The following CTIF variants were observed in gnomAD, a reference collection of about 807,000 sequenced individuals.
The protein encoded by CTIF is CBP80/20-dependent translation initiation factor.
In CTIF, 21 loss-of-function variants were observed where a neutral mutation model predicts 66.0. The ratio of observed to expected loss-of-function variants is 0.32; its 90% CI spans 0.23 to 0.46. The LOEUF (loss-of-function observed/expected upper bound fraction) is 0.46. Ranked by LOEUF, CTIF falls within the 20% of genes least tolerant of loss-of-function variation. The pLI is 1.00. For missense variants in CTIF, 739 were observed against 812.7 expected, an observed-to-expected ratio of 0.91 and a Z score of 1.10; for synonymous variants, 345 against 326.4, an observed-to-expected ratio of 1.06 and a Z score of -0.62.
In CTIF at chr18:48,758,190, G is replaced by A; in HGVS notation, c.856G>A (p.Ala286Thr). 6.8e-6 allele frequency: 11 copies of A among 1,613,840 alleles called. No homozygotes were observed. The highest frequency in any genetic ancestry group is 1.1e-5 in the South Asian group (1 of 91,040). Reference protein sequence around the residue: ...TIENPKLEDTAGDTGHSSLEA... With the variant: ...TIENPKLEDTTGDTGHSSLEA... ...CGAGAACCCAAAACTGGAGGACACTGCAGGGGACACCGGGCACAGCAGCCT... is the reference window on the plus strand; with the variant it reads ...CGAGAACCCAAAACTGGAGGACACTACAGGGGACACCGGGCACAGCAGCCT... The change falls in exon 8 of 12, where the codon GCA (alanine) becomes ACA (threonine). Residue 286 changes from alanine to threonine, a missense_variant. Physicochemically the swap from Ala to Thr is moderately conservative, Grantham distance 58. This residue lies in a region of CTIF where 529 missense variants were observed against 520.3 expected (regional missense o/e 1.02). Coordinates refer to ENST00000256413, the MANE Select transcript of CTIF (RefSeq NM_014772.3).
chr18:48,655,172 G>A (rs973837677), intron 3 of CTIF, among the ~76,000 whole-genome samples: 1 of 151,680 alleles, frequency 6.6e-6, no homozygotes, highest in African/African-American at 2.4e-5. Context: ...GGGTATGGTG[G>A]CTTGCACCTG....
At chr18:48,680,968 C>T (rs978249132) in intron 6 of CTIF, among the ~76,000 whole-genome samples, 4 of 152,188 alleles carry the variant, frequency 2.6e-5, no homozygotes, top group African/African-American at 9.7e-5. Context: ...GGGGCGGGGA[C>T]GGACAGGGCT....
chr18:48,619,937 C>T (rs567306159), intron 2 of CTIF, among the ~76,000 whole-genome samples, 192 bp downstream of exon 2: 3 of 152,174 alleles, frequency 2.0e-5, no homozygotes, highest in Non-Finnish European at 4.4e-5. Flanking sequence ...CTGTGCACCC[C>T]GTCCCTCTAA....
intron 7 of CTIF, among the ~76,000 whole-genome samples, chr18:48,737,364 G>A (rs2092512218): frequency 6.6e-6 from 1 of 152,234 alleles, no homozygotes; most frequent in African/African-American, 2.4e-5. Flanking sequence ...CTGTCACGAA[G>A]AAGCAGTGAG....
chr18:48,846,454 G>A (rs1185137885), intron 10 of CTIF, among the ~76,000 whole-genome samples: 1 of 152,134 alleles, frequency 6.6e-6, no homozygotes, highest in East Asian at 1.9e-4. Context: ...TGGATGGATG[G>A]ATGGATAGAT....
At chr18:48,560,652 C>T (rs933813984) in intron 1 of CTIF, among the ~76,000 whole-genome samples, 2 of 152,112 alleles carry the variant, frequency 1.3e-5, no homozygotes, top group African/African-American at 4.8e-5. Flanking sequence ...CTCACTGCAA[C>T]CTCCGCCTCT....
At chr18:48,699,862 C>T (rs927030323) in intron 6 of CTIF, among the ~76,000 whole-genome samples, 2 of 152,246 alleles carry the variant, frequency 1.3e-5, no homozygotes, top group African/African-American at 2.4e-5. Flanking sequence ...GTGGCAGTGA[C>T]AGCATCTAGC....
intron 10 of CTIF, among the ~76,000 whole-genome samples, chr18:48,856,329 CA>C: frequency 6.6e-6 from 1 of 152,280 alleles, no homozygotes; most frequent in East Asian, 1.9e-4. Flanking sequence ...ATGATGGAGC[CA>C]TTGTGGGAAA....
chr18:48,654,034 C>A (rs7239494), intron 3 of CTIF, among the ~76,000 whole-genome samples: 10,867 of 152,132 alleles, frequency 0.071, 431 homozygotes, highest in South Asian at 0.099. Context: ...TAGAAGAAAA[C>A]CTAGGCAATA....
chr18:48,679,930 G>C (rs528783826), intron 6 of CTIF, among the ~76,000 whole-genome samples: 15 of 152,308 alleles, frequency 9.8e-5, no homozygotes, highest in African/African-American at 3.6e-4. Context: ...AGGCTGTTGA[G>C]AGTGGGGGAG....
intron 2 of CTIF, among the ~76,000 whole-genome samples, chr18:48,628,253 T>C (rs989516965): frequency 5.3e-5 from 8 of 152,030 alleles, no homozygotes; most frequent in Non-Finnish European, 8.8e-5. Context: ...TTAGAGGAGA[T>C]GTTGGTCCAC....
rs371695760 is a variant in CTIF at position 48,776,425 on chromosome 18, C to T, written c.1371+14736C>T. On this transcript the variant is annotated intron_variant, in intron 9 of 11. Transcript: ENST00000256413. ...CAGAGCAGGGTTGTGCAGGAGGCTG[C>T]CATGGGGCGGGTCTGCACAGCAACA... Among the ~76,000 whole-genome samples the T allele has an allele frequency of 4.3e-4, 66 of 152,342 alleles. No homozygotes were observed. The South Asian group carries it at 0.013, about 29-fold the overall frequency.
intron 10 of CTIF, among the ~76,000 whole-genome samples, chr18:48,824,051 C>CA (rs1406654029): frequency 1.3e-5 from 2 of 149,318 alleles, no homozygotes; most frequent in Non-Finnish European, 3.0e-5. Flanking sequence ...AGTAAATTTG[C>CA]AAAAAACATA....
intron 3 of CTIF, among the ~76,000 whole-genome samples, chr18:48,655,883 A>G (rs1300944905): frequency 1.3e-5 from 2 of 152,234 alleles, no homozygotes; most frequent in Non-Finnish European, 2.9e-5. Context: ...GTCATTACAC[A>G]CATGCCCCCA....
At chr18:48,593,937 G>A (rs192264400) in intron 1 of CTIF, among the ~76,000 whole-genome samples, 7 of 152,182 alleles carry the variant, frequency 4.6e-5, no homozygotes, top group Admixed American at 2.6e-4. Flanking sequence ...ATTTAGTTAT[G>A]CACTGTGTGA....
chr18:48,576,378 G>A (rs376692346), intron 1 of CTIF, among the ~76,000 whole-genome samples: 6 of 152,364 alleles, frequency 3.9e-5, no homozygotes, highest in Admixed American at 6.5e-5. Flanking sequence ...GAAGGGAGGC[G>A]GGGTACTGGT....
chr18:48,809,941 A>C (rs1451082236), intron 9 of CTIF, among the ~76,000 whole-genome samples: 1 of 151,078 alleles, frequency 6.6e-6, no homozygotes, highest in African/African-American at 2.4e-5. Flanking sequence ...CTATTTCCTA[A>C]GTAATTAATT....
intron 6 of CTIF, among the ~76,000 whole-genome samples, chr18:48,674,030 A>G (rs2091583488): frequency 6.6e-6 from 1 of 152,206 alleles, no homozygotes; most frequent in African/African-American, 2.4e-5. Context: ...GGGAGCGGGA[A>G]GAAGGGGAGC....
In CTIF at chr18:48,822,505, AAC is replaced by A. The variant is rs56745285; in HGVS notation, c.1527+5163_1527+5164del. Among the ~76,000 whole-genome samples, 957 of 107,594 alleles carry A rather than the reference AAC, an allele frequency of 8.9e-3. 18 individuals carry two copies. In the East Asian group the frequency reaches 0.1, roughly 11 times the overall value. The allele number at this position is 107,594 out of a possible 152,430, so 70.6% of individuals were successfully genotyped here. On this transcript the variant is annotated intron_variant, in intron 10 of 11. Transcript: ENST00000256413. The stretch of plus-strand genomic sequence containing the variant: ...TCTTCATCTCCCCACCCCCACCCCC[AAC>A]ACACACACACACACACACACACACA...
Sources: gnomAD v4.1 joint callset for allele counts (sites outside exome capture counted in the v4.1 genomes callset) on GRCh38, gnomAD v4.1.1 for gene constraint, gnomAD v4.1.1 regional missense constraint, MANE v1.5 for transcripts, NCBI Gene and HGNC (gene_info 2026-07-23, HGNC 2026-07-21) for gene names.